The following LILRA5 variants were observed in gnomAD, a reference collection of about 807,000 sequenced individuals.
LILRA5 encodes leukocyte immunoglobulin-like receptor subfamily A member 5.
In LILRA5, 31 loss-of-function variants were observed where a neutral mutation model predicts 36.3. That is an observed-to-expected ratio of 0.85 (90% confidence interval 0.64 to 1.15). The LOEUF is 1.15. LILRA5 is among the 50% of genes most tolerant of loss of function. The pLI is 0.00. For missense variants in LILRA5, 348 were observed against 377.4 expected (o/e 0.92, Z 0.64); for synonymous variants, 144 against 144.8 (o/e 0.99, Z 0.04).
At chr19:54,308,368 T>TATAA (rs1569138986) in intron 5 of LILRA5, 1 of 31,108 alleles carries the variant, frequency 3.2e-5, no homozygotes, top group Non-Finnish European at 5.5e-5. Context: ...TATATATATA[T>TATAA]ATATATATAT....
chr19:54,311,998 G>C lies in LILRA5; in HGVS notation c.275C>G (p.Pro92Arg). Residue 92 changes from proline (P) to arginine (R), a missense_variant, in exon 4 of 7, where the codon CCA becomes CGA. Coordinates refer to ENST00000432233, the MANE Select transcript of LILRA5 (RefSeq NM_021250.4). ...GSPEPWDTQN[P>R]LEPKNKARFS... ...TCTGGCCTTGTTCTTGGGCTCCAGTGGGTTCTGTGTGTCCCAGGGTTCTGG... is the reference window on the plus strand; with the variant it reads ...TCTGGCCTTGTTCTTGGGCTCCAGTCGGTTCTGTGTGTCCCAGGGTTCTGG... 2.5e-6 allele frequency: 4 copies of C among 1,614,184 alleles called. No individual in the cohort carries two copies. Among genetic ancestry groups the C allele is most frequent in the Non-Finnish European group, 3.4e-6 (4 of 1,180,024 alleles).
At chr19:54,312,782 C>T (rs1601190522) in intron 1 of LILRA5, 161 bp from the exon 2 acceptor site, 2 of 806,958 alleles carry the variant, frequency 2.5e-6, no homozygotes, top group East Asian at 2.7e-5. Context: ...AGACTACAGG[C>T]ACCAGGCTCT....
chr19:54,312,484 G>A (rs1174681236), intron 2 of LILRA5, 53 bp downstream of exon 2: 6 of 1,613,740 alleles, frequency 3.7e-6, no homozygotes, highest in South Asian at 2.2e-5. Flanking sequence ...CTCGTTATGG[G>A]GTGGGGTCCC....
At chr19:54,312,267 G>A in intron 3 of LILRA5, 68 bp downstream of exon 3, 3 of 1,613,818 alleles carry the variant, frequency 1.9e-6, no homozygotes, top group Non-Finnish European at 2.5e-6. Context: ...TTCACCCCCA[G>A]CTGCCCATGG....
intron 5 of LILRA5, chr19:54,310,889 C>G (rs144068480): frequency 4.0e-6 from 1 of 248,542 alleles, no homozygotes; most frequent in Non-Finnish European, 8.4e-6. Flanking sequence ...ATAAAGGAGC[C>G]GGGACTGCAG....
intron 5 of LILRA5, chr19:54,310,107 C>T (rs1428436764): frequency 4.1e-5 from 8 of 195,228 alleles, no homozygotes; most frequent in Non-Finnish European, 7.5e-5. Flanking sequence ...TCAGGGACCC[C>T]GCAGGTGTGG....
chr19:54,311,870 C>T lies in LILRA5; in HGVS notation c.403G>A (p.Val135Met), dbSNP rs762083686. Residue 135 changes from valine to methionine, a missense_variant, in exon 4 of 7, where the codon GTG (valine) becomes ATG (methionine). Transcript: ENST00000432233. ...CCCCAGAGTGTCCTCTCACCTGTCA[C>T]CACCAGCTCCAGGGGGTCGCTGGGC... ...SEPSDPLELV[V>M]TGFYNKPTLS... 6.8e-6 allele frequency: 11 copies of T among 1,614,058 alleles called. No individual in the cohort carries two copies. The highest frequency in any genetic ancestry group is 2.7e-5 in the African/African-American group (2 of 74,934).
intron 5 of LILRA5, 172 bp from the exon 6 acceptor site, chr19:54,307,920 C>A: frequency 1.6e-6 from 1 of 607,934 alleles, no homozygotes; most frequent in Middle Eastern, 4.4e-4. Flanking sequence ...AGTCTCCTCA[C>A]TGAATTATTT....
At position 54,307,356 on chromosome 19, in the gene LILRA5, C is replaced by T. The variant is rs556377105; in HGVS notation, c.*57G>A. The T allele has an allele frequency of 1.3e-6, 2 of 1,555,858 alleles. No individual in the cohort carries two copies. The highest frequency in any genetic ancestry group is 1.9e-5 in the Admixed American group (1 of 53,644). ...GATGGTCTTCCCGAACCTCCTAGGA[C>T]CATCAGATTCGCTTCCAAGGCTCCA... On this transcript the variant is annotated 3_prime_UTR_variant, in exon 7 of 7. Coordinates refer to ENST00000432233, the MANE Select transcript of LILRA5 (RefSeq NM_021250.4).
chr19:54,311,790 G>T, intron 4 of LILRA5, 74 bp from the exon 5 acceptor site: 1 of 1,611,730 alleles, frequency 6.2e-7, no homozygotes, highest in Non-Finnish European at 8.5e-7. Context: ...GGCTGTGAAA[G>T]GGAGACACCC....
chr19:54,311,669 T>C lies in LILRA5; in HGVS notation c.457A>G (p.Thr153Ala). 1.2e-6 allele frequency: 2 copies of C among 1,614,080 alleles called. No homozygotes were observed. The highest frequency in any genetic ancestry group is 1.7e-6 in the Non-Finnish European group (2 of 1,179,962). The change falls in exon 5 of 7, where the codon ACC (threonine) becomes GCC (alanine). Residue 153 changes from threonine (T) to alanine (A), a missense_variant. Transcript: ENST00000432233. ...TGGAGGGTCACGTTCTCTCCTGAGG[T>C]CACCACAGGACTGGGCAGGGCTGAG... The part of the protein sequence containing the change: ...TLSALPSPVV[T>A]SGENVTLQCG...
At position 54,313,127 on chromosome 19, in the gene LILRA5, G is replaced by T; in HGVS notation, c.-108C>A. The stretch of plus-strand genomic sequence containing the variant: ...ATCTGACACCTGGCTGTGTAGCCCA[G>T]GCTGAGCTGCATGTGGCAATGAGCA... On this transcript the variant is annotated 5_prime_UTR_variant, in exon 1 of 7. The change creates a new upstream start codon in the 5' untranslated region. Transcript: ENST00000432233. 8.0e-7 allele frequency: 1 copy of T among 1,257,354 alleles called. No homozygotes were observed. Among genetic ancestry groups the T allele is most frequent in the Non-Finnish European group, 1.2e-6 (1 of 865,858 alleles). The allele number at this position is 1,257,354 out of a possible 1,614,324, so 77.9% of individuals were successfully genotyped here.
chr19:54,311,762 A>T, intron 4 of LILRA5, 46 bp from the exon 5 acceptor site: 1 of 1,610,048 alleles, frequency 6.2e-7, no homozygotes, highest in Non-Finnish European at 8.5e-7. Context: ...CCCACCTCCC[A>T]CATCATCCCC....
At position 54,312,369 on chromosome 19, in the gene LILRA5, C is replaced by A. The variant is rs1473170759; in HGVS notation, c.90G>T (p.Gly30=). Residue 30 remains glycine, a splice_region_variant and synonymous_variant, in exon 3 of 7, where the codon GGG becomes GGT. Coordinates refer to ENST00000432233, the MANE Select transcript of LILRA5 (RefSeq NM_021250.4). ...CGTGGGTCCTGGGGCCCAGACTCAG[C>A]CCTGGAAGAGAGTTCCCTGTGAGAG... The part of the protein sequence containing the change: ...SPALMVLLCL[G]LSLGPRTHVQ... 2 of 1,614,086 alleles carry A rather than the reference C, an allele frequency of 1.2e-6. No homozygotes were observed. The highest frequency in any genetic ancestry group is 2.7e-5 in the African/African-American group (2 of 74,934).
Position 54,307,414 on chromosome 19 carries a change from C to T in LILRA5, c.899G>A (p.Ter300=). 6.2e-7 allele frequency: 1 copy of T among 1,607,350 alleles called. No homozygotes were observed. The part of the protein sequence containing the change: ...QRSPQAAAGR[*] ...ATGGTGCATTGTTCTCTCTTCTGTT[C>T]ACCTTCCAGCTGCAGCTTGGGGGCT... The change falls in exon 7 of 7, where the codon TGA becomes TAA. Residue 300 remains the stop codon, a stop_retained_variant. Coordinates refer to ENST00000432233, the MANE Select transcript of LILRA5 (RefSeq NM_021250.4).
At position 54,312,007 on chromosome 19, in the gene LILRA5, G is replaced by A. The variant is rs751204962; in HGVS notation, c.266C>T (p.Thr89Ile). ...VKEGSPEPWDTQNPLEPKNKA... is the reference protein window; with the variant it reads ...VKEGSPEPWDIQNPLEPKNKA... Reference sequence around the variant, plus strand: ...GTTCTTGGGCTCCAGTGGGTTCTGTGTGTCCCAGGGTTCTGGGCTTCCCTC... The same window carrying A: ...GTTCTTGGGCTCCAGTGGGTTCTGTATGTCCCAGGGTTCTGGGCTTCCCTC... Residue 89 changes from threonine to isoleucine, a missense_variant, in exon 4 of 7, where the codon ACA becomes ATA. Thr to Ile is a moderately conservative substitution (Grantham distance 89, BLOSUM62 -1). Coordinates refer to ENST00000432233, the MANE Select transcript of LILRA5 (RefSeq NM_021250.4). 8.7e-6 allele frequency: 14 copies of A among 1,614,184 alleles called. No homozygotes were observed. The Admixed American group carries it at 2.0e-4, about 23-fold the overall frequency.
Position 54,312,011 on chromosome 19 carries a change from C to T in LILRA5, c.262G>A (p.Asp88Asn), listed in dbSNP as rs1223375291. 1 of 1,614,160 alleles carries T rather than the reference C, an allele frequency of 6.2e-7. No individual in the cohort carries two copies. ...TTGGGCTCCAGTGGGTTCTGTGTGT[C>T]CCAGGGTTCTGGGCTTCCCTCTTTA... ...LVKEGSPEPW[D>N]TQNPLEPKNK... The change falls in exon 4 of 7, where the codon GAC (aspartate) becomes AAC (asparagine). Residue 88 changes from aspartate (D) to asparagine (N), a missense_variant. Coordinates refer to ENST00000432233, the MANE Select transcript of LILRA5 (RefSeq NM_021250.4).
Position 54,312,144 on chromosome 19 carries a change from G to T in LILRA5, c.129C>A (p.Asn43Lys), listed in dbSNP as rs370553700. Residue 43 changes from asparagine (N) to lysine (K), a missense_variant, in exon 4 of 7, where the codon AAC (asparagine) becomes AAA (lysine). Physicochemically the swap from Asn to Lys is moderately conservative, Grantham distance 94. Transcript: ENST00000432233. The stretch of plus-strand genomic sequence containing the variant: ...CAGCCCAGAGGGTGGCTTTGGAGAG[G>T]TTCCCTGGAAGGAAATCAGAGTCTG... The part of the protein sequence containing the change: ...LGPRTHVQAG[N>K]LSKATLWAEP... The T allele has an allele frequency of 1.4e-5, 22 of 1,613,552 alleles. No homozygotes were observed. The Admixed American group carries it at 3.3e-4, about 24-fold the overall frequency.
chr19:54,311,721 G>T lies in LILRA5; in HGVS notation c.410-5C>A. On this transcript the variant is annotated splice_polypyrimidine_tract_variant and splice_region_variant and intron_variant, in intron 4 of 6. Coordinates refer to ENST00000432233, the MANE Select transcript of LILRA5 (RefSeq NM_021250.4). ...GGGTGGGTTTGTTGTAGAATCCTAG[G>T]AGAGAAGGAGGCACCGTGTTAAATG... The T allele has an allele frequency of 6.2e-7, 1 of 1,611,470 alleles. No homozygotes were observed. The highest frequency in any genetic ancestry group is 8.5e-7 in the Non-Finnish European group (1 of 1,177,770).
Sources: gnomAD v4.1 joint callset for allele counts on GRCh38, gnomAD v4.1.1 for gene constraint, MANE v1.5 for transcripts, NCBI Gene and HGNC (gene_info 2026-07-23, HGNC 2026-07-21) for gene names.